Variants in GLT1D1 observed in about 807,000 individuals in gnomAD.
The protein encoded by GLT1D1 is glycosyltransferase 1 domain-containing protein 1.
Under a neutral mutation model 28.7 loss-of-function variants are expected in GLT1D1, and 21 were observed. The observed-to-expected ratio is 0.73, with a 90% confidence interval of 0.52 to 1.05. GLT1D1 has a LOEUF of 1.05. Among genes scored for constraint, GLT1D1 ranks in the 50% least tolerant of loss-of-function variants. The pLI is 0.00. For synonymous variants in GLT1D1, 147 were observed against 124.8 expected (o/e 1.18, Z -1.19); for missense variants, 343 against 330.6 (o/e 1.04, Z -0.29).
intron 7 of GLT1D1, among the ~76,000 whole-genome samples, chr12:128,982,723 CGT>C (rs374591114): frequency 5.3e-5 from 8 of 150,994 alleles, no homozygotes; most frequent in South Asian, 2.1e-4. Context: ...TGTATGTGTG[CGT>C]GTGTGTGTGT....
chr12:128,941,967 A>G (rs189666344), intron 4 of GLT1D1, among the ~76,000 whole-genome samples: 1 of 136,220 alleles, frequency 7.3e-6, no homozygotes, highest in East Asian at 2.1e-4. Context: ...CTGGGCTCAT[A>G]GTACCATTTC....
Position 128,945,370 on chromosome 12 carries a change from G to A in GLT1D1, c.419+1G>A, listed in dbSNP as rs1875933399. 2 of 1,613,166 alleles carry A rather than the reference G, an allele frequency of 1.2e-6. No homozygotes were observed. The highest frequency in any genetic ancestry group is 1.7e-5 in the Admixed American group (1 of 60,030). On this transcript the variant is annotated splice_donor_variant, in intron 5 of 7. Coordinates refer to ENST00000281703, the MANE Select transcript of GLT1D1 (RefSeq NM_144669.3). LOFTEE classifies it high-confidence loss of function. ...GGGAAGTGAAAGCCAAAGTGAAAAG[G>A]TAAGAGTTGGTGGAGACCAGTCATT...
intron 4 of GLT1D1, among the ~76,000 whole-genome samples, chr12:128,931,881 CTG>C (rs1238155200): frequency 2.7e-5 from 4 of 146,704 alleles, no homozygotes; most frequent in African/African-American, 1.0e-4. Context: ...GAACTAAACA[CTG>C]TGTTCATGTG....
At chr12:128,966,802 TA>T (rs947496641) in intron 7 of GLT1D1, among the ~76,000 whole-genome samples, 37 of 126,530 alleles carry the variant, frequency 2.9e-4, no homozygotes, top group East Asian at 2.3e-4. Context: ...AATTTTTTTT[TA>T]AAAAATGACG....
At chr12:128,882,202 A>T (rs928664167) in intron 2 of GLT1D1, among the ~76,000 whole-genome samples, 2 of 152,154 alleles carry the variant, frequency 1.3e-5, no homozygotes. Flanking sequence ...GCTAAGTAGA[A>T]TATGCAAATA....
chr12:128,961,399 A>G (rs1271796660), intron 7 of GLT1D1, among the ~76,000 whole-genome samples: 1 of 152,226 alleles, frequency 6.6e-6, no homozygotes, highest in East Asian at 1.9e-4. Flanking sequence ...TCACCAAGGT[A>G]TGGAATCAAC....
At chr12:128,891,926 G>A (rs1201348926) in intron 3 of GLT1D1, among the ~76,000 whole-genome samples, 1 of 152,172 alleles carries the variant, frequency 6.6e-6, no homozygotes, top group Non-Finnish European at 1.5e-5. Flanking sequence ...TCAGGCACAG[G>A]TTGGTTTTCT....
At chr12:128,939,801 G>A (rs932920227) in intron 4 of GLT1D1, among the ~76,000 whole-genome samples, 3 of 149,524 alleles carry the variant, frequency 2.0e-5, no homozygotes, top group Admixed American at 6.7e-5. Flanking sequence ...ACTCCATCGC[G>A]AGACAACACT....
chr12:128,864,755 G>A (rs1956474494), intron 1 of GLT1D1, among the ~76,000 whole-genome samples: 1 of 152,140 alleles, frequency 6.6e-6, no homozygotes, highest in Admixed American at 6.6e-5. Flanking sequence ...TGACTGTGGG[G>A]GTGGTTAACT....
chr12:128,926,526 T>A, intron 4 of GLT1D1, 72 bp downstream of exon 7: 1 of 764,636 alleles, frequency 1.3e-6, no homozygotes, highest in Non-Finnish European at 2.2e-6. Context: ...CATTTCTCTC[T>A]TCAGGGCCCT....
intron 4 of GLT1D1, among the ~76,000 whole-genome samples, chr12:128,928,014 A>AC (rs1873441075): frequency 1.4e-5 from 2 of 144,844 alleles, no homozygotes; most frequent in Non-Finnish European, 3.1e-5. Context: ...AAAAAAAAAA[A>AC]AAAAAAAAAA....
chr12:128,921,345 C>T (rs1299971780), intron 4 of GLT1D1, among the ~76,000 whole-genome samples: 3 of 152,080 alleles, frequency 2.0e-5, no homozygotes, highest in Admixed American at 6.6e-5. Flanking sequence ...CTCCATCTCC[C>T]TGCAGCGTCT....
chr12:128,892,405 T>G (rs1869163359), intron 3 of GLT1D1, among the ~76,000 whole-genome samples: 1 of 152,230 alleles, frequency 6.6e-6, no homozygotes, highest in South Asian at 2.1e-4. Context: ...CTGTTGTTCT[T>G]TCACTCTGCA....
chr12:128,877,244 A>G (rs1283860464), intron 2 of GLT1D1, among the ~76,000 whole-genome samples: 1 of 152,208 alleles, frequency 6.6e-6, no homozygotes, highest in Non-Finnish European at 1.5e-5. Context: ...GAATTAAATG[A>G]CATAGTAGTG....
chr12:128,944,059 G>A (rs138850132), intron 4 of GLT1D1, among the ~76,000 whole-genome samples: 2 of 152,210 alleles, frequency 1.3e-5, no homozygotes, highest in African/African-American at 2.4e-5. Flanking sequence ...GGATAGCTGC[G>A]TAAAACACAC....
In GLT1D1 at chr12:128,873,885, C is replaced by T. The variant is rs1477747121; in HGVS notation, c.69-2029C>T. The stretch of plus-strand genomic sequence containing the variant: ...CTCCCTCCCTCCTTCCTTCCTTCCT[C>T]TCTCTTGCTCCCTTTCTCTTTCTTT... On this transcript the variant is annotated intron_variant, in intron 1 of 7. Transcript: ENST00000281703. 5.2e-5 allele frequency among the ~76,000 whole-genome samples: 6 copies of T among 115,830 alleles called. No individual in the cohort carries two copies. In the East Asian group the frequency reaches 1.2e-3, roughly 23 times the overall value. The allele number at this position is 115,830 out of a possible 152,430, so 76.0% of individuals were successfully genotyped here.
intron 7 of GLT1D1, among the ~76,000 whole-genome samples, chr12:128,975,261 T>TGACTG (rs1879656536): frequency 6.6e-6 from 1 of 152,048 alleles, no homozygotes; most frequent in Non-Finnish European, 1.5e-5. Flanking sequence ...TCAGGCATCA[T>TGACTG]GACTGGGGGC....
Position 128,918,708 on chromosome 12 carries a change from C to G in GLT1D1, c.375+19421C>G, listed in dbSNP as rs113645011. Among the ~76,000 whole-genome samples, 1,027 of 152,316 alleles carry G rather than the reference C, an allele frequency of 6.7e-3. 11 individuals carry two copies. The highest frequency in any genetic ancestry group is 0.023 in the African/African-American group (962 of 41,566). ...CAGTTACATGTACCATTATTCAGAA[C>G]GAGTGGGCCCATTTTCAATTTCCTG... is the stretch of plus-strand genomic sequence containing the variant. On this transcript the variant is annotated intron_variant, in intron 4 of 7. Coordinates refer to ENST00000281703, the MANE Select transcript of GLT1D1 (RefSeq NM_144669.3).
intron 2 of GLT1D1, among the ~76,000 whole-genome samples, chr12:128,881,561 A>AAATATAT (rs1555262848): frequency 2.4e-4 from 8 of 33,722 alleles, no homozygotes; most frequent in East Asian, 1.2e-3. Context: ...AAAAAAAAAA[A>AAATATAT]ATATATATAT....
Sources: gnomAD v4.1 joint callset for allele counts (sites outside exome capture counted in the v4.1 genomes callset) on GRCh38, gnomAD v4.1.1 for gene constraint, MANE v1.5 for transcripts, NCBI Gene and HGNC (gene_info 2026-07-23, HGNC 2026-07-21) for gene names.